The following VPS13B variants were observed in gnomAD, a reference collection of about 807,000 sequenced individuals.
VPS13B encodes the protein intermembrane lipid transfer protein VPS13B.
Under a neutral mutation model 426.4 loss-of-function variants are expected in VPS13B, and 285 were observed. The ratio of observed to expected loss-of-function variants is 0.67; its 90% CI spans 0.61 to 0.74. The LOEUF is 0.74. VPS13B is among the 30% of genes least tolerant of loss of function. The pLI is 0.00. For synonymous variants in VPS13B, 1,676 were observed against 1,676.4 expected (o/e 1.00, Z 0.01); for missense variants, 4,537 against 4,782.6 (o/e 0.95, Z 1.51).
At chr8:99,073,655 A>T (rs1465092312) in intron 3 of VPS13B, among the ~76,000 whole-genome samples, 1 of 148,754 alleles carries the variant, frequency 6.7e-6, no homozygotes, top group Non-Finnish European at 1.5e-5. Flanking sequence ...TTGTCTGCAA[A>T]GCAGAGCAGT....
At position 99,823,812 on chromosome 8, in the gene VPS13B, T is replaced by C. The variant is rs758630733; in HGVS notation, c.9184-20T>C. 5 of 1,611,380 alleles carry C rather than the reference T, an allele frequency of 3.1e-6. No homozygotes were observed. The South Asian group carries it at 5.5e-5, about 18-fold the overall frequency. ...GCCTTACAGTATTGTCAAAATTATT[T>C]TTTCTCAATTATCTTGTAGTTATGT... On this transcript the variant is annotated intron_variant, in intron 50 of 61. Coordinates refer to ENST00000357162, the MANE Select transcript of VPS13B (RefSeq NM_152564.5).
At chr8:99,673,701 T>C (rs1830809370) in intron 35 of VPS13B, among the ~76,000 whole-genome samples, 2 of 152,024 alleles carry the variant, frequency 1.3e-5, no homozygotes. Context: ...TGAGATTGTT[T>C]ATTTTAGCTC....
chr8:99,248,993 A>G (rs1817365517), intron 17 of VPS13B, among the ~76,000 whole-genome samples: 1 of 152,186 alleles, frequency 6.6e-6, no homozygotes, highest in African/African-American at 2.4e-5. Flanking sequence ...CAAAATCTTT[A>G]TATCACTCCA....
At chr8:99,443,568 A>AATG in intron 23 of VPS13B, among the ~76,000 whole-genome samples, 1 of 152,264 alleles carries the variant, frequency 6.6e-6, no homozygotes, top group African/African-American at 2.4e-5. Context: ...GGTTAAAGGG[A>AATG]ATGTTTTTAG....
chr8:99,197,053 A>G (rs1396574357), intron 17 of VPS13B, among the ~76,000 whole-genome samples: 1 of 152,124 alleles, frequency 6.6e-6, no homozygotes, highest in Non-Finnish European at 1.5e-5. Flanking sequence ...ATTTTGTCAA[A>G]TGCCTTTTCT....
At chr8:99,176,252 A>G (rs1812626889) in intron 16 of VPS13B, among the ~76,000 whole-genome samples, 1 of 151,800 alleles carries the variant, frequency 6.6e-6, no homozygotes, top group Non-Finnish European at 1.5e-5. Context: ...CTCGTTCCTC[A>G]ACCTCCTGAG....
chr8:99,341,411 G>A, intron 19 of VPS13B: 1 of 161,086 alleles, frequency 6.2e-6, no homozygotes, highest in Non-Finnish European at 1.4e-5. Flanking sequence ...TTGCACTTAA[G>A]TCTCTTCTTC....
intron 3 of VPS13B, among the ~76,000 whole-genome samples, chr8:99,093,744 G>A (rs950836426): frequency 5.9e-5 from 9 of 152,070 alleles, no homozygotes; most frequent in South Asian, 2.1e-4. Context: ...ATTCCATGGT[G>A]TATATGTGCC....
chr8:99,195,029 TAG>T lies in VPS13B; in HGVS notation c.2515+1976_2515+1977del, dbSNP rs966436625. 1.2e-4 allele frequency among the ~76,000 whole-genome samples: 19 copies of T among 152,224 alleles called. No homozygotes were observed. The East Asian group carries it at 3.3e-3, about 26-fold the overall frequency. Reference sequence around the variant, plus strand: ...CCCAGCTAATTTTTTGTATTTTTAGTAGAGACGGAGTTTCACCATGTTGACTA... The same window carrying T: ...CCCAGCTAATTTTTTGTATTTTTAGTAGACGGAGTTTCACCATGTTGACTA... On this transcript the variant is annotated intron_variant, in intron 17 of 61. Transcript: ENST00000357162.
intron 19 of VPS13B, among the ~76,000 whole-genome samples, chr8:99,349,576 G>T (rs1224198517): frequency 6.6e-6 from 1 of 152,020 alleles, no homozygotes; most frequent in Non-Finnish European, 1.5e-5. Context: ...AATAATGTTT[G>T]GGACACGCTT....
chr8:99,389,907 C>T (rs1739490050), intron 20 of VPS13B, among the ~76,000 whole-genome samples: 1 of 152,004 alleles, frequency 6.6e-6, no homozygotes, highest in African/African-American at 2.4e-5. Context: ...TCCACCCCCC[C>T]TCCTTATGTT....
At chr8:99,147,327 G>C (rs139623109) in intron 13 of VPS13B, among the ~76,000 whole-genome samples, 5,005 of 152,078 alleles carry the variant, frequency 0.033, 124 homozygotes, top group Non-Finnish European at 0.049. Context: ...GGCCAGGCTG[G>C]TTTCGAACTC....
chr8:99,530,735 C>A (rs973795458), intron 30 of VPS13B, among the ~76,000 whole-genome samples: 1 of 152,010 alleles, frequency 6.6e-6, no homozygotes, highest in African/African-American at 2.4e-5. Flanking sequence ...ATGCCTACAT[C>A]TCGGTCGAAC....
At chr8:99,117,952 A>C (rs555492245) in intron 7 of VPS13B, among the ~76,000 whole-genome samples, 95 of 152,326 alleles carry the variant, frequency 6.2e-4, no homozygotes, top group Non-Finnish European at 1.1e-3. Context: ...TCTCATTAAA[A>C]AAATCTTACT....
chr8:99,429,135 T>G (rs1435742451), intron 21 of VPS13B, among the ~76,000 whole-genome samples: 1 of 151,586 alleles, frequency 6.6e-6, no homozygotes. Flanking sequence ...TGTTGTGGGG[T>G]GTGGGGAGTG....
At chr8:99,274,117 T>C in intron 17 of VPS13B, 81 bp from the exon 18 acceptor site, 1 of 1,576,344 alleles carries the variant, frequency 6.3e-7, no homozygotes, top group Non-Finnish European at 8.7e-7. Context: ...AGAGTATAAT[T>C]AAGTTTAAAT....
At chr8:99,621,943 C>T (rs1318640720) in intron 33 of VPS13B, among the ~76,000 whole-genome samples, 6 of 150,788 alleles carry the variant, frequency 4.0e-5, no homozygotes, top group Admixed American at 3.3e-4. Context: ...AAGCGATTCT[C>T]CTGTCTCACG....
At chr8:99,635,283 T>C (rs1416251609) in intron 33 of VPS13B, among the ~76,000 whole-genome samples, 1 of 152,024 alleles carries the variant, frequency 6.6e-6, no homozygotes, top group Non-Finnish European at 1.5e-5. Flanking sequence ...ATCACAGTTA[T>C]ATATAGATGT....
chr8:99,717,035 C>T (rs187698579), intron 36 of VPS13B, 136 bp from the exon 37 acceptor site: 11 of 793,890 alleles, frequency 1.4e-5, no homozygotes, highest in Admixed American at 8.7e-5. Context: ...CGGCATGAAA[C>T]GGTGGTGGAC....
Sources: gnomAD v4.1 joint callset for allele counts (sites outside exome capture counted in the v4.1 genomes callset) on GRCh38, gnomAD v4.1.1 for gene constraint, MANE v1.5 for transcripts, NCBI Gene and HGNC (gene_info 2026-07-23, HGNC 2026-07-21) for gene names.